Variants in PIK3R6 observed in about 807,000 individuals in gnomAD.
PIK3R6 encodes phosphoinositide 3-kinase regulatory subunit 6.
Under a neutral mutation model 84.9 loss-of-function variants are expected in PIK3R6, and 91 were observed. The ratio of observed to expected loss-of-function variants is 1.07; its 90% confidence interval spans 0.90 to 1.28. PIK3R6 has a LOEUF of 1.28. Among genes scored for constraint, PIK3R6 ranks in the 50% most tolerant of loss-of-function variants. The pLI, the probability that PIK3R6 is intolerant of heterozygous loss-of-function variation, is 0.00. For synonymous variants in PIK3R6, 416 were observed against 411.4 expected (o/e 1.01, Z -0.13); for missense variants, 996 against 985.1 (o/e 1.01, Z -0.15).
At chr17:8,858,109 C>A (rs926819893) in intron 1 of PIK3R6, among the ~76,000 whole-genome samples, 3 of 152,126 alleles carry the variant, frequency 2.0e-5, no homozygotes, top group African/African-American at 7.2e-5. Flanking sequence ...TCCTTTGGGG[C>A]TGCTGACCAC....
At chr17:8,833,969 C>A (rs1198802190) in intron 8 of PIK3R6, among the ~76,000 whole-genome samples, 3 of 151,172 alleles carry the variant, frequency 2.0e-5, no homozygotes, top group Admixed American at 6.6e-5. Context: ...GAGATGGAGA[C>A]CACGGTGAAA....
chr17:8,822,683 G>T lies in PIK3R6; in HGVS notation c.1718-26C>A, dbSNP rs769285082. On this transcript the variant is annotated intron_variant, in intron 15 of 19. Transcript: ENST00000619866. ...CTGTGGGGAGATGAGAAGAGGCTTG[G>T]GGTGGAGGTTCCCAGGCCTCTTGCC... The T allele has an allele frequency of 1.1e-5, 17 of 1,610,498 alleles. No individual in the cohort carries two copies. The Admixed American group carries it at 2.2e-4, about 21-fold the overall frequency.
In PIK3R6 at chr17:8,803,640, A is replaced by G; in HGVS notation, c.2109-211T>C. 1 of 572,402 alleles carries G rather than the reference A, an allele frequency of 1.7e-6. No homozygotes were observed. Among genetic ancestry groups the G allele is most frequent in the Non-Finnish European group, 3.0e-6 (1 of 327,992 alleles). The allele number at this position is 572,402 out of a possible 1,614,324, so 35.5% of individuals were successfully genotyped here. A position where few individuals can be genotyped will look rare whatever the true frequency, so the allele number is the denominator to read the frequency against. The stretch of plus-strand genomic sequence containing the variant: ...GGAGAGGAGACACTTGGAGCAAGTA[A>G]CTCTGCGCATGCCTCCCTTACCCAA... On this transcript the variant is annotated intron_variant, in intron 19 of 19. Transcript: ENST00000619866. This position sits in a 1 kb window ranked among gnomAD's most constrained non-coding sequence, Gnocchi z 5.0.
intron 2 of PIK3R6, among the ~76,000 whole-genome samples, chr17:8,846,269 G>A (rs752601553): frequency 2.0e-5 from 3 of 152,170 alleles, no homozygotes; most frequent in Non-Finnish European, 4.4e-5. Flanking sequence ...TCAGGTGGCT[G>A]TAGGTATGTA....
At chr17:8,860,013 G>C (rs1159589208) in intron 1 of PIK3R6, among the ~76,000 whole-genome samples, 1 of 152,150 alleles carries the variant, frequency 6.6e-6, no homozygotes, top group African/African-American at 2.4e-5. Flanking sequence ...CCATTTCGCA[G>C]ACTCATGTAA....
chr17:8,851,779 T>C (rs1327503202), intron 1 of PIK3R6, among the ~76,000 whole-genome samples: 2 of 152,130 alleles, frequency 1.3e-5, no homozygotes, highest in Non-Finnish European at 1.5e-5. Flanking sequence ...CCCAAACGAA[T>C]TGAAAACAGG....
intron 1 of PIK3R6, among the ~76,000 whole-genome samples, chr17:8,858,491 A>G (rs1349350895): frequency 1.3e-5 from 2 of 151,624 alleles, no homozygotes; most frequent in African/African-American, 4.8e-5. Flanking sequence ...TAATTTTTGT[A>G]TTTTTAGTAG....
intron 17 of PIK3R6, among the ~76,000 whole-genome samples, chr17:8,820,092 G>A (rs1332874077): frequency 6.7e-6 from 1 of 150,038 alleles, no homozygotes; most frequent in Non-Finnish European, 1.5e-5. Context: ...GATTACAGGC[G>A]GGCTCCACCA....
Position 8,828,920 on chromosome 17 carries a change from A to T in PIK3R6, c.960T>A (p.Asp320Glu). Residue 320 changes from aspartate to glutamate, a missense_variant, in exon 11 of 20, where the codon GAT becomes GAA. By Grantham distance (45) the Asp-to-Glu change is conservative (BLOSUM62 2). Transcript: ENST00000619866. ...CCCGGTCCGGCCGGAGGCCCTGCAG[A>T]TCCAAGACCTCCAAGTCAGCACTGA... ...LRLSADLEVLDLQGLRPDREL... is the reference protein window; with the variant it reads ...LRLSADLEVLELQGLRPDREL... The T allele has an allele frequency of 1.3e-6, 2 of 1,533,834 alleles. No individual in the cohort carries two copies. The highest frequency in any genetic ancestry group is 2.5e-5 in the South Asian group (2 of 78,482).
At chr17:8,837,049 T>G in intron 5 of PIK3R6, 126 bp from the exon 6 acceptor site, 1 of 705,038 alleles carries the variant, frequency 1.4e-6, no homozygotes, top group Non-Finnish European at 2.4e-6. Context: ...AGGTCAGGCC[T>G]AACAGCCAGA....
intron 1 of PIK3R6, among the ~76,000 whole-genome samples, chr17:8,866,662 A>G (rs1304046420): frequency 6.6e-6 from 1 of 151,932 alleles, no homozygotes; most frequent in Non-Finnish European, 1.5e-5. Flanking sequence ...TTTGCTCCCC[A>G]TTGCTGAGGT....
intron 1 of PIK3R6, among the ~76,000 whole-genome samples, chr17:8,855,533 G>T (rs1164860777): frequency 6.6e-6 from 1 of 152,214 alleles, no homozygotes; most frequent in Non-Finnish European, 1.5e-5. Context: ...CTATTAGAAT[G>T]ACTAAGATTT....
At chr17:8,853,046 A>G (rs9895600) in intron 1 of PIK3R6, among the ~76,000 whole-genome samples, 5,072 of 152,258 alleles carry the variant, frequency 0.033, 268 homozygotes, top group African/African-American at 0.11. Context: ...AGAAAAAAAA[A>G]ATAAAGGCAC....
intron 16 of PIK3R6, 100 bp downstream of exon 16, chr17:8,822,487 A>G (rs1263473510): frequency 2.9e-6 from 4 of 1,361,262 alleles, no homozygotes; most frequent in Non-Finnish European, 4.1e-6. Flanking sequence ...AAGGGGCAGA[A>G]GCTTCCTTTG....
At chr17:8,838,817 T>C (rs1174190815) in intron 3 of PIK3R6, among the ~76,000 whole-genome samples, 162 bp from the exon 4 acceptor site, 1 of 152,168 alleles carries the variant, frequency 6.6e-6, no homozygotes, top group African/African-American at 2.4e-5. Flanking sequence ...CTGGGTGGGC[T>C]CCTCCCAAGT....
intron 18 of PIK3R6, 25 bp downstream of exon 18, chr17:8,819,058 C>G: frequency 1.3e-6 from 2 of 1,531,390 alleles, no homozygotes; most frequent in Non-Finnish European, 1.8e-6. Flanking sequence ...GGCTGTCTCC[C>G]TTTCCCAGTC....
chr17:8,803,545 G>A lies in PIK3R6; in HGVS notation c.2109-116C>T. ...TAGAGCTGTTATTGTAGGGCATAGA[G>A]GAGGCGGCTACACAGAAGAAAGAGG... On this transcript the variant is annotated intron_variant, in intron 19 of 19. Transcript: ENST00000619866. The surrounding 1 kb of genome is among the most constrained non-coding windows in gnomAD (Gnocchi z 5.0). 1.9e-6 allele frequency: 2 copies of A among 1,059,392 alleles called. No homozygotes were observed. Among genetic ancestry groups the A allele is most frequent in the South Asian group, 3.4e-5 (2 of 59,670 alleles). The allele number at this position is 1,059,392 out of a possible 1,614,324, so 65.6% of individuals were successfully genotyped here.
intron 18 of PIK3R6, among the ~76,000 whole-genome samples, chr17:8,814,905 T>C (rs959380853): frequency 2.6e-5 from 4 of 151,104 alleles, no homozygotes; most frequent in Non-Finnish European, 4.4e-5. Flanking sequence ...ATTTAGTATT[T>C]ATGGCTTCCA....
chr17:8,827,342 C>T lies in PIK3R6; in HGVS notation c.1393-48G>A, dbSNP rs2087956334. On this transcript the variant is annotated intron_variant, in intron 12 of 19. Transcript: ENST00000619866. ...GACCCGTCAGGCCCTCTCTCCAGCT[C>T]TGCCTTCCAGCTGCCATCAGCCTAG... is the stretch of plus-strand genomic sequence containing the variant. The T allele has an allele frequency of 2.6e-6, 4 of 1,536,360 alleles. No individual in the cohort carries two copies. The South Asian group carries it at 4.8e-5, about 18-fold the overall frequency.
Sources: allele counts gnomAD v4.1 joint callset (sites outside exome capture counted in the v4.1 genomes callset), GRCh38; gene constraint gnomAD v4.1.1; non-coding constraint Gnocchi (gnomAD v3.1); transcripts MANE v1.5; gene names NCBI Gene and HGNC (gene_info 2026-07-23, HGNC 2026-07-21).